The following NREP variants were observed in gnomAD, a reference collection of about 807,000 sequenced individuals.
The protein encoded by NREP is neuronal regeneration-related protein.
Under a neutral mutation model 8.6 loss-of-function variants are expected in NREP, and 5 were observed. The ratio of observed to expected loss-of-function variants is 0.58; its 90% CI spans 0.30 to 1.22. NREP has a LOEUF of 1.22. NREP is among the 50% of genes most tolerant of loss of function. The pLI, the probability that NREP is intolerant of heterozygous loss-of-function variation, is 0.07. For missense variants in NREP, 86 were observed against 82.5 expected, an observed-to-expected ratio of 1.04 and a Z score of -0.17; for synonymous variants, 27 against 28.0, an observed-to-expected ratio of 0.96 and a Z score of 0.11.
chr5:111,952,286 G>A (rs1262281436), intron 2 of NREP, among the ~76,000 whole-genome samples: 1 of 152,126 alleles, frequency 6.6e-6, no homozygotes, highest in Admixed American at 6.6e-5. Context: ...AGTTAGGCAA[G>A]AATGAGAATA....
chr5:111,932,788 C>A (rs1040678830), intron 2 of NREP, among the ~76,000 whole-genome samples: 2 of 152,068 alleles, frequency 1.3e-5, no homozygotes, highest in African/African-American at 4.8e-5. Flanking sequence ...CATACTGCCG[C>A]GGAAGCCAAA....
At chr5:111,873,727 A>G (rs1359689812) in intron 2 of NREP, among the ~76,000 whole-genome samples, 1 of 152,162 alleles carries the variant, frequency 6.6e-6, no homozygotes. Context: ...CCATGTCAAG[A>G]TTCTTAACCT....
chr5:111,792,985 C>A (rs1751786173), intron 2 of NREP, among the ~76,000 whole-genome samples: 2 of 152,086 alleles, frequency 1.3e-5, no homozygotes, highest in East Asian at 3.9e-4. Flanking sequence ...CATCACTATG[C>A]AAAGGATACA....
Position 111,817,902 on chromosome 5 carries a change from G to C in NREP, c.136-82395C>G, listed in dbSNP as rs1459147236. ...TACAAAAAATATTTCACATGTGTAA[G>C]AATTGACCCTGAGTTTATCAGTTCA... On this transcript the variant is annotated intron_variant, in intron 2 of 3. Transcript: ENST00000395634. Among the ~76,000 whole-genome samples, 5 of 149,496 alleles carry C rather than the reference G, an allele frequency of 3.3e-5. No individual in the cohort carries two copies. In the South Asian group the frequency reaches 6.4e-4, roughly 19 times the overall value.
intron 2 of NREP, chr5:111,949,129 C>A (rs547428225): frequency 1.3e-5 from 2 of 152,128 alleles, no homozygotes; most frequent in Non-Finnish European, 2.9e-5. Flanking sequence ...GCAATCTATT[C>A]CAATCACAAA....
upstream of NREP, among the ~76,000 whole-genome samples, chr5:111,760,229 T>A (rs969342614): frequency 2.0e-5 from 3 of 152,174 alleles, no homozygotes; most frequent in African/African-American, 7.2e-5. Context: ...GAAACGCCAG[T>A]TGTCACAACC....
chr5:111,921,768 C>T (rs1169030024), intron 2 of NREP, among the ~76,000 whole-genome samples: 1 of 152,066 alleles, frequency 6.6e-6, no homozygotes, highest in Non-Finnish European at 1.5e-5. Flanking sequence ...CCCCAGAATT[C>T]CCACATCTTG....
At chr5:111,962,600 G>A (rs72786287) in intron 2 of NREP, among the ~76,000 whole-genome samples, 4,956 of 152,232 alleles carry the variant, frequency 0.033, 115 homozygotes, top group Non-Finnish European at 0.046. Context: ...CTTGAAACCC[G>A]CAGTCCAATC....
chr5:111,929,983 T>A (rs188205180), intron 2 of NREP, among the ~76,000 whole-genome samples: 19 of 152,262 alleles, frequency 1.2e-4, no homozygotes, highest in African/African-American at 4.3e-4. Context: ...AATTGTCCAG[T>A]AATTCTAAAA....
chr5:111,742,004 A>G (rs1489087921), intron 2 of NREP, among the ~76,000 whole-genome samples: 1 of 152,158 alleles, frequency 6.6e-6, no homozygotes. Context: ...CTTGAGTTTC[A>G]TTGCCTGGTA....
intron 2 of NREP, among the ~76,000 whole-genome samples, chr5:111,749,719 C>T (rs1416848570): frequency 6.6e-6 from 1 of 152,136 alleles, no homozygotes; most frequent in Non-Finnish European, 1.5e-5. Context: ...ATCTTTCTAT[C>T]GGGGAGCTTG....
At chr5:111,789,386 T>G (rs1751688382) in intron 2 of NREP, among the ~76,000 whole-genome samples, 1 of 152,234 alleles carries the variant, frequency 6.6e-6, no homozygotes, top group African/African-American at 2.4e-5. Flanking sequence ...ATTTTTAATG[T>G]GTATTATTCC....
intron 2 of NREP, among the ~76,000 whole-genome samples, chr5:111,798,306 A>T (rs1751917620): frequency 6.6e-6 from 1 of 152,154 alleles, no homozygotes; most frequent in Admixed American, 6.5e-5. Flanking sequence ...TTGGAAATTG[A>T]CTTTTTCTAA....
intron 2 of NREP, among the ~76,000 whole-genome samples, chr5:111,891,512 T>C (rs906752537): frequency 6.6e-6 from 1 of 152,234 alleles, no homozygotes; most frequent in Non-Finnish European, 1.5e-5. Context: ...TGTATAGCGA[T>C]GCCCCACTCC....
intron 2 of NREP, among the ~76,000 whole-genome samples, chr5:111,826,159 C>T (rs915797107): frequency 6.6e-6 from 1 of 152,054 alleles, no homozygotes; most frequent in African/African-American, 2.4e-5. Flanking sequence ...GATTGTAAAT[C>T]CACCAATCAG....
rs1469542685 is a variant in NREP at position 111,939,118 on chromosome 5, T to A, written c.135+36156A>T. Among the ~76,000 whole-genome samples the A allele has an allele frequency of 2.0e-5, 3 of 152,098 alleles. No individual in the cohort carries two copies. The East Asian group carries it at 5.8e-4, about 30-fold the overall frequency. On this transcript the variant is annotated intron_variant, in intron 2 of 3. Transcript: ENST00000395634. ...CCCCCTTGCTCTTGGTCTTCCTTCCTTTTTCTACCCTCTCCCTACGACTAC... is the reference window on the plus strand; with the variant it reads ...CCCCCTTGCTCTTGGTCTTCCTTCCATTTTCTACCCTCTCCCTACGACTAC...
chr5:111,891,785 G>T (rs571432719), intron 2 of NREP, among the ~76,000 whole-genome samples: 17 of 152,232 alleles, frequency 1.1e-4, no homozygotes, highest in African/African-American at 3.9e-4. Context: ...CAGATCTAGC[G>T]AGAACTCACT....
intron 2 of NREP, among the ~76,000 whole-genome samples, chr5:111,905,648 G>T (rs1754763408): frequency 6.6e-6 from 1 of 152,006 alleles, no homozygotes; most frequent in East Asian, 1.9e-4. Flanking sequence ...AATCGAAAGA[G>T]AACTTTATGA....
chr5:111,787,655 T>C (rs1323115025), intron 2 of NREP, among the ~76,000 whole-genome samples: 2 of 152,224 alleles, frequency 1.3e-5, no homozygotes, highest in African/African-American at 4.8e-5. Context: ...AAAGCCGTAA[T>C]TTCCAAATGC....
Sources: allele counts gnomAD v4.1 joint callset (sites outside exome capture counted in the v4.1 genomes callset), GRCh38; gene constraint gnomAD v4.1.1; transcripts MANE v1.5; gene names NCBI Gene and HGNC (gene_info 2026-07-23, HGNC 2026-07-21).